LAMA5: variants seen among roughly 807,000 people sequenced by gnomAD.
The protein encoded by LAMA5 is laminin subunit alpha 5.
Under a neutral mutation model 433.4 loss-of-function variants are expected in LAMA5, and 260 were observed. That is an observed-to-expected ratio of 0.60 (90% CI 0.54 to 0.66). The LOEUF (loss-of-function observed/expected upper bound fraction) is 0.66, where lower values mean the gene tolerates loss of function less well. Among genes scored for constraint, LAMA5 ranks in the 30% least tolerant of loss-of-function variants. LAMA5 has a pLI of 0.00. For missense variants in LAMA5, 5,378 were observed against 5,258.5 expected (o/e 1.02, Z -0.70); for synonymous variants, 2,620 against 2,226.6 (o/e 1.18, Z -4.97).
chr20:62,329,208 G>A lies in LAMA5; in HGVS notation c.4165C>T (p.Leu1389Phe). 6.2e-7 allele frequency: 1 copy of A among 1,612,852 alleles called. No homozygotes were observed. The highest frequency in any genetic ancestry group is 8.5e-7 in the Non-Finnish European group (1 of 1,179,918). ...GATTTATCCAGGGGCTCCTCCCGGA[G>A]GTAGCCAAAGCTGTAGACGTTCTCA... Reference protein sequence around the residue: ...VPENVYSFGYLREEPLDKSYD... With the variant: ...VPENVYSFGYFREEPLDKSYD... Residue 1389 changes from leucine (L) to phenylalanine (F), a missense_variant, in exon 33 of 80, where the codon CTC (leucine) becomes TTC (phenylalanine). Coordinates refer to ENST00000252999, the MANE Select transcript of LAMA5 (RefSeq NM_005560.6).
Position 62,331,179 on chromosome 20 carries a change from AGGGGGTGCAGGCGGTACGATGG to A in LAMA5, c.3553-72_3553-51del, listed in dbSNP as rs1294862969. On this transcript the variant is annotated intron_variant, in intron 28 of 79. Coordinates refer to ENST00000252999, the MANE Select transcript of LAMA5 (RefSeq NM_005560.6). ...GCAACGCCCGTGGTGCGGGGAGGAT[AGGGGGTGCAGGCGGTACGATGG>A]GGGGGTGCAGGCGGTACGATGGGGG... 384 of 887,576 alleles carry A rather than the reference AGGGGGTGCAGGCGGTACGATGG, an allele frequency of 4.3e-4. 18 individuals are homozygous for A. In the African/African-American group the frequency reaches 6.4e-3, roughly 15 times the overall value. 55.0% of individuals were successfully genotyped at this position (887,576 alleles called of 1,614,324 possible).
At chr20:62,332,897 T>C (rs1980750695) in intron 26 of LAMA5, among the ~76,000 whole-genome samples, 180 bp from the exon 27 acceptor site, 1 of 80,924 alleles carries the variant, frequency 1.2e-5, no homozygotes, top group Non-Finnish European at 3.1e-5. Context: ...CAGCCAATCC[T>C]ACATACAGAC....
At position 62,309,293 on chromosome 20, in the gene LAMA5, G is replaced by A. The variant is rs1389756776; in HGVS notation, c.*43C>T. The A allele has an allele frequency of 3.2e-6, 5 of 1,580,638 alleles. No homozygotes were observed. The East Asian group carries it at 6.8e-5, about 21-fold the overall frequency. On this transcript the variant is annotated 3_prime_UTR_variant, in exon 80 of 80. Coordinates refer to ENST00000252999, the MANE Select transcript of LAMA5 (RefSeq NM_005560.6). Reference sequence around the variant, plus strand: ...GAGGCGAGCACAAGGGGCGGTGTGAGGCAGCTGCAGGGGCCTGACCAGGGG... The same window carrying A: ...GAGGCGAGCACAAGGGGCGGTGTGAAGCAGCTGCAGGGGCCTGACCAGGGG...
At chr20:62,350,271 C>T (rs1471598665) in intron 6 of LAMA5, among the ~76,000 whole-genome samples, 1 of 152,080 alleles carries the variant, frequency 6.6e-6, no homozygotes, top group African/African-American at 2.4e-5. Context: ...CACTTAATTT[C>T]CCAGGACAAG....
intron 1 of LAMA5, 72 bp from the exon 2 acceptor site, chr20:62,362,624 C>G (rs1986268066): frequency 7.6e-7 from 1 of 1,321,276 alleles, no homozygotes. Context: ...AGTCACCCTG[C>G]TGCCCCGAGA....
At position 62,312,498 on chromosome 20, in the gene LAMA5, G is replaced by A. The variant is rs202015718; in HGVS notation, c.9262C>T (p.Arg3088Cys). 3.6e-5 allele frequency: 58 copies of A among 1,598,768 alleles called. No individual in the cohort carries two copies. Among genetic ancestry groups the A allele is most frequent in the Middle Eastern group, 1.7e-4 (1 of 6,056 alleles). ...GCCTTGATGCCTTTGACGCAGCCACGGACTGAGCCTCCGGTGGGGAAGAGC... is the reference window on the plus strand; with the variant it reads ...GCCTTGATGCCTTTGACGCAGCCACAGACTGAGCCTCCGGTGGGGAAGAGC... ...RRLFPTGGSV[R>C]GCVKGIKALG... is the part of the protein sequence containing the mutation. Residue 3088 changes from arginine to cysteine, a missense_variant, in exon 68 of 80, where the codon CGT becomes TGT. Transcript: ENST00000252999.
chr20:62,319,770 C>T lies in LAMA5; in HGVS notation c.6785G>A (p.Ser2262Asn), dbSNP rs761695542. The T allele has an allele frequency of 6.5e-7, 1 of 1,547,574 alleles. No homozygotes were observed. The highest frequency in any genetic ancestry group is 8.7e-7 in the Non-Finnish European group (1 of 1,146,698). The change falls in exon 51 of 80, where the codon AGC becomes AAC. Residue 2262 changes from serine to asparagine, a missense_variant. Physicochemically the swap from Ser to Asn is conservative, Grantham distance 46. Transcript: ENST00000252999. Reference protein sequence around the residue: ...GQAVGTRDQASQLLAGTEATL... With the variant: ...GQAVGTRDQANQLLAGTEATL... ...GGCCTCGGTGCCGGCCAGCAATTGG[C>T]TCGCCTGGTCTCGGGTCCCCACGGC... is the stretch of plus-strand genomic sequence containing the variant.
chr20:62,311,508 G>A lies in LAMA5; in HGVS notation c.9835C>T (p.Leu3279=), dbSNP rs375922130. ...TTGACGCTGCCCAGGTTCTGCTGCA[G>A]ATCAAATACGCGCTGTGGGCCCAGG... The part of the protein sequence containing the change: ...RLLGPQRVFD[L]QQNLGSVNVS... Residue 3279 remains leucine, a synonymous_variant, in exon 72 of 80, where the codon CTG becomes TTG. Transcript: ENST00000252999. 6.2e-7 allele frequency: 1 copy of A among 1,611,304 alleles called. No homozygotes were observed. The highest frequency in any genetic ancestry group is 8.5e-7 in the Non-Finnish European group (1 of 1,179,144).
intron 45 of LAMA5, among the ~76,000 whole-genome samples, chr20:62,323,245 G>C (rs1036795413): frequency 4.3e-5 from 5 of 116,018 alleles, no homozygotes; most frequent in Non-Finnish European, 1.9e-5. Flanking sequence ...GGGCCTGATC[G>C]CTGGGGCGGG....
chr20:62,351,668 T>C lies in LAMA5; in HGVS notation c.956+36A>G, dbSNP rs777467054. 10 of 1,590,072 alleles carry C rather than the reference T, an allele frequency of 6.3e-6. No homozygotes were observed. In the South Asian group the frequency reaches 1.0e-4, roughly 16 times the overall value. ...GACAGGCAGGGAGCTGGGGGGGGCC[T>C]CACCTGAACGGGGCCTCACCTGAAT... is the stretch of plus-strand genomic sequence containing the variant. On this transcript the variant is annotated intron_variant, in intron 6 of 79. Transcript: ENST00000252999.
At chr20:62,326,611 C>A in intron 40 of LAMA5, 66 bp downstream of exon 40, 3 of 1,341,978 alleles carry the variant, frequency 2.2e-6, no homozygotes, top group Non-Finnish European at 3.2e-6. Flanking sequence ...ACTGGGACCC[C>A]TTCCGGCCTT....
chr20:62,324,532 C>G lies in LAMA5; in HGVS notation c.5552G>C (p.Arg1851Pro). Residue 1851 changes from arginine (R) to proline (P), a missense_variant, in exon 42 of 80, where the codon CGG (arginine) becomes CCG (proline). Arg to Pro is a moderately radical substitution (Grantham distance 103). Transcript: ENST00000252999. This position sits in a 1 kb window ranked among gnomAD's most constrained non-coding sequence, Gnocchi z 4.4. ...GCCCAGGAAGAGACCTTTGACGTCC[C>G]GATAGAAGCCGGGGGCACATTCCTG... Reference protein sequence around the residue: ...SCQECAPGFYRDVKGLFLGRC... With the variant: ...SCQECAPGFYPDVKGLFLGRC... The G allele has an allele frequency of 6.2e-7, 1 of 1,611,794 alleles. No homozygotes were observed. The highest frequency in any genetic ancestry group is 8.5e-7 in the Non-Finnish European group (1 of 1,179,546).
chr20:62,317,637 G>A lies in LAMA5; in HGVS notation c.7356+25C>T, dbSNP rs764253412. The A allele has an allele frequency of 1.6e-5, 25 of 1,532,560 alleles. No homozygotes were observed. In the South Asian group the frequency reaches 2.0e-4, roughly 12 times the overall value. The allele number at this position is 1,532,560 out of a possible 1,614,324, so 94.9% of individuals were successfully genotyped here. ...GGGAGTTGGCCGTGGATGGGGTGGC[G>A]ACAGGGGCCAGGGGCTGCACTCACC... is the stretch of plus-strand genomic sequence containing the variant. On this transcript the variant is annotated intron_variant, in intron 54 of 79. Coordinates refer to ENST00000252999, the MANE Select transcript of LAMA5 (RefSeq NM_005560.6).
chr20:62,338,682 C>T (rs767324317), intron 11 of LAMA5, 74 bp from the exon 12 acceptor site: 1 of 1,406,752 alleles, frequency 7.1e-7, no homozygotes, highest in Non-Finnish European at 9.6e-7. Context: ...GCAAACCTTC[C>T]CTCTCCACAA....
intron 32 of LAMA5, 34 bp downstream of exon 32, chr20:62,329,743 C>T: frequency 6.2e-7 from 1 of 1,609,898 alleles, no homozygotes; most frequent in Non-Finnish European, 8.5e-7. Flanking sequence ...ATAAGGACAG[C>T]TGGTCCCTGA....
At chr20:62,325,782 G>A (rs926697353) in intron 40 of LAMA5, among the ~76,000 whole-genome samples, 1 of 152,160 alleles carries the variant, frequency 6.6e-6, no homozygotes, top group Non-Finnish European at 1.5e-5. Context: ...TACACAAAGA[G>A]AACAGCCAAG....
In LAMA5 at chr20:62,315,183, T is replaced by C. The variant is rs1191630912; in HGVS notation, c.7892A>G (p.His2631Arg). The part of the protein sequence containing the change: ...DTDETSKKIA[H>R]AKAVAAEAQD... ...GGCTTCAGCAGCCACAGCCTTGGCA[T>C]GTGCGATCTTCTTGCTTGTCTCGTC... Residue 2631 changes from histidine to arginine, a missense_variant, in exon 59 of 80, where the codon CAT (histidine) becomes CGT (arginine). By Grantham distance (29) the His-to-Arg change is conservative (BLOSUM62 0). Transcript: ENST00000252999. 17 of 1,609,174 alleles carry C rather than the reference T, an allele frequency of 1.1e-5. No individual in the cohort carries two copies. The East Asian group carries it at 3.3e-4, about 32-fold the overall frequency.
At chr20:62,323,262 TGATCGCTGGGGCGGGAGGACCG>T (rs891822059) in intron 45 of LAMA5, among the ~76,000 whole-genome samples, 172 bp downstream of exon 45, 6 of 90,674 alleles carry the variant, frequency 6.6e-5, no homozygotes, top group African/African-American at 2.7e-4. Context: ...CGGGAGGGCC[TGATCGCTGGGGCGGGAGGACCG>T]GATCATAGCG....
chr20:62,322,035 G>A lies in LAMA5; in HGVS notation c.6480C>T (p.His2160=). Residue 2160 remains histidine, a synonymous_variant, in exon 48 of 80, where the codon CAC becomes CAT. Transcript: ENST00000252999. Reference sequence around the variant, plus strand: ...AGGACACACCTTCACAGTGGATGCTGTGGCCCACAGGCCCGCCTGGAACAG... The same window carrying A: ...AGGACACACCTTCACAGTGGATGCTATGGCCCACAGGCCCGCCTGGAACAG... ...QVPVPGGPVG[H]SIHCEVCDHC... 1 of 1,598,950 alleles carries A rather than the reference G, an allele frequency of 6.3e-7. No individual in the cohort carries two copies. The highest frequency in any genetic ancestry group is 8.5e-7 in the Non-Finnish European group (1 of 1,179,410).
Sources: gnomAD v4.1 joint callset for allele counts (sites outside exome capture counted in the v4.1 genomes callset) on GRCh38, gnomAD v4.1.1 for gene constraint, Gnocchi (gnomAD v3.1) non-coding constraint, MANE v1.5 for transcripts, NCBI Gene and HGNC (gene_info 2026-07-23, HGNC 2026-07-21) for gene names.